Variants in NR6A1 observed in about 807,000 individuals in gnomAD.
NR6A1 encodes retinoic acid receptor-related testis-associated receptor.
A neutral mutation model predicts 59.1 loss-of-function variants in NR6A1; 7 were observed. The observed-to-expected ratio is 0.12, with a 90% CI of 0.07 to 0.22. The LOEUF is 0.22. NR6A1 is among the 10% of genes least tolerant of loss of function. The probability of loss-of-function intolerance (pLI) is 1.00; values close to 1 mark genes in which losing one functional copy is unlikely to be tolerated. For missense variants in NR6A1, 468 were observed against 611.6 expected (o/e 0.77, Z 2.48); for synonymous variants, 243 against 236.1 (o/e 1.03, Z -0.27).
At chr9:124,765,652 G>A (rs565762695) in intron 1 of NR6A1, among the ~76,000 whole-genome samples, 106 of 152,198 alleles carry the variant, frequency 7.0e-4, no homozygotes, top group Middle Eastern at 3.4e-3. Flanking sequence ...CCCAGCAGCC[G>A]GCTGAGGAAA....
chr9:124,731,363 C>T (rs1052528951), intron 2 of NR6A1, among the ~76,000 whole-genome samples: 4 of 149,886 alleles, frequency 2.7e-5, no homozygotes, highest in African/African-American at 9.9e-5. Context: ...GAGCGAAACT[C>T]CATCTCGAAA....
chr9:124,618,043 T>C (rs1302892937), intron 2 of NR6A1, among the ~76,000 whole-genome samples: 1 of 152,196 alleles, frequency 6.6e-6, no homozygotes, highest in African/African-American at 2.4e-5. Context: ...GCTGGCCTCA[T>C]TTTGGCAGTT....
chr9:124,542,714 A>T (rs952135048), intron 4 of NR6A1, among the ~76,000 whole-genome samples: 16 of 152,142 alleles, frequency 1.1e-4, no homozygotes, highest in Admixed American at 9.2e-4. Context: ...ATAGTTTTTT[A>T]AAATTTTATT....
intron 2 of NR6A1, among the ~76,000 whole-genome samples, chr9:124,683,791 C>T (rs939399512): frequency 2.6e-5 from 4 of 152,156 alleles, no homozygotes; most frequent in African/African-American, 9.7e-5. Context: ...GAAACTCCAT[C>T]TCAAAAATAA....
At chr9:124,538,383 G>A (rs1833346471) in intron 5 of NR6A1, 64 bp from the exon 6 acceptor site, 3 of 1,270,898 alleles carry the variant, frequency 2.4e-6, no homozygotes, top group African/African-American at 1.5e-5. Context: ...CAAAGGAAGT[G>A]AGCCAGAAGG....
At chr9:124,658,975 C>T (rs1019299028) in intron 2 of NR6A1, among the ~76,000 whole-genome samples, 1 of 152,158 alleles carries the variant, frequency 6.6e-6, no homozygotes, top group Non-Finnish European at 1.5e-5. Context: ...ACAAAGGTTG[C>T]TTTCCATTCT....
At chr9:124,767,277 G>A (rs1320500653) in intron 1 of NR6A1, among the ~76,000 whole-genome samples, 1 of 152,064 alleles carries the variant, frequency 6.6e-6, no homozygotes, top group Non-Finnish European at 1.5e-5. Context: ...ACTAACACAT[G>A]TGCCTTGCAT....
intron 2 of NR6A1, among the ~76,000 whole-genome samples, chr9:124,577,086 G>C (rs1834623423): frequency 6.6e-6 from 1 of 152,072 alleles, no homozygotes. Context: ...AAATGTAATT[G>C]TATTTTATTA....
At chr9:124,547,347 C>T (rs1454879142) in intron 3 of NR6A1, among the ~76,000 whole-genome samples, 1 of 152,210 alleles carries the variant, frequency 6.6e-6, no homozygotes, top group Non-Finnish European at 1.5e-5. Context: ...CAAATCTAAG[C>T]TCCTTAGCAT....
intron 2 of NR6A1, among the ~76,000 whole-genome samples, chr9:124,562,349 A>G (rs1462699186): frequency 6.6e-6 from 1 of 152,158 alleles, no homozygotes; most frequent in Non-Finnish European, 1.5e-5. Context: ...CTAAACACAA[A>G]CATTATTAGA....
chr9:124,733,365 T>A lies in NR6A1; in HGVS notation c.101-16A>T. 6.2e-7 allele frequency: 1 copy of A among 1,606,492 alleles called. No homozygotes were observed. Among genetic ancestry groups the A allele is most frequent in the Non-Finnish European group, 8.5e-7 (1 of 1,173,902 alleles). ...TGACAGAAACCTAAAGAGAAAACAA[T>A]AGGAAAAAAAATTACAATTTGTGAA... On this transcript the variant is annotated splice_polypyrimidine_tract_variant and intron_variant, in intron 1 of 9. Transcript: ENST00000487099.
intron 1 of NR6A1, among the ~76,000 whole-genome samples, chr9:124,752,597 A>G (rs1564268014): frequency 6.6e-6 from 1 of 152,164 alleles, no homozygotes; most frequent in South Asian, 2.1e-4. Flanking sequence ...TCTTTTCTCA[A>G]GCTCACTTTT....
rs879839719 is a variant in NR6A1, at chr9:124,655,519, T to C, written c.142+77789A>G. ...ATATTTATTGATATCTACTTCATAA[T>C]AGGCCCTGTGCCTATACAGAGGCAC... is the stretch of plus-strand genomic sequence containing the variant. On this transcript the variant is annotated intron_variant, in intron 2 of 9. Transcript: ENST00000487099. Among the ~76,000 whole-genome samples the C allele has an allele frequency of 4.6e-5, 7 of 152,318 alleles. No individual in the cohort carries two copies. The South Asian group carries it at 1.0e-3, about 23-fold the overall frequency.
chr9:124,643,686 G>T (rs922192615), intron 2 of NR6A1, among the ~76,000 whole-genome samples: 2 of 146,458 alleles, frequency 1.4e-5, no homozygotes, highest in Non-Finnish European at 3.0e-5. Context: ...GATTGCTTGA[G>T]CCCATGAGCC....
intron 2 of NR6A1, among the ~76,000 whole-genome samples, chr9:124,686,641 T>TA (rs1440414584): frequency 3.9e-5 from 6 of 152,016 alleles, no homozygotes; most frequent in African/African-American, 1.2e-4. Context: ...AAAATAGTAA[T>TA]ACCTCAAACA....
At chr9:124,540,852 G>T (rs1833420367) in intron 4 of NR6A1, among the ~76,000 whole-genome samples, 2 of 152,086 alleles carry the variant, frequency 1.3e-5, no homozygotes, top group African/African-American at 2.4e-5. Flanking sequence ...CATGTCCTTT[G>T]TGAGGCTTTC....
chr9:124,768,589 C>T (rs1841006597), intron 1 of NR6A1, among the ~76,000 whole-genome samples: 1 of 152,174 alleles, frequency 6.6e-6, no homozygotes, highest in African/African-American at 2.4e-5. Context: ...AAAAAGAAAA[C>T]ATCTGTACCA....
At chr9:124,698,748 A>G (rs1838846022) in intron 2 of NR6A1, 1 of 152,164 alleles carries the variant, frequency 6.6e-6, no homozygotes, top group African/African-American at 2.4e-5. Flanking sequence ...TCAGCTATCT[A>G]TCTGTCCCAC....
chr9:124,580,922 A>G (rs1436281863), intron 2 of NR6A1, among the ~76,000 whole-genome samples: 1 of 152,188 alleles, frequency 6.6e-6, no homozygotes, highest in African/African-American at 2.4e-5. Flanking sequence ...ATAGTATGGT[A>G]CTGGTATGAG....
Sources: allele counts gnomAD v4.1 joint callset (sites outside exome capture counted in the v4.1 genomes callset), GRCh38; gene constraint gnomAD v4.1.1; transcripts MANE v1.5; gene names NCBI Gene and HGNC (gene_info 2026-07-23, HGNC 2026-07-21).